The following PKHD1L1 variants were observed in gnomAD, a reference collection of about 807,000 sequenced individuals.
The protein encoded by PKHD1L1 is PKHD1 like 1, also known as fibrocystin-L.
Under a neutral mutation model 462.9 loss-of-function variants are expected in PKHD1L1, and 434 were observed. The ratio of observed to expected loss-of-function variants is 0.94; its 90% CI spans 0.87 to 1.02. The LOEUF is 1.02. PKHD1L1 is among the 50% of genes least tolerant of loss of function. The probability of loss-of-function intolerance (pLI) is 0.00; values close to 1 mark genes in which losing one functional copy is unlikely to be tolerated. For synonymous variants in PKHD1L1, 1,781 were observed against 1,750.0 expected, an observed-to-expected ratio of 1.02 and a Z score of -0.44; for missense variants, 5,202 against 5,096.1, an observed-to-expected ratio of 1.02 and a Z score of -0.63.
chr8:109,406,232 G>T (rs12679728), intron 16 of PKHD1L1, 103 bp from the exon 17 acceptor site: 372,023 of 1,158,080 alleles, frequency 0.32, 61,858 homozygotes, highest in Admixed American at 0.46. Context: ...CAGAGTATAG[G>T]TGCTTTAAAA....
Position 109,481,544 on chromosome 8 carries a change from C to T in PKHD1L1, c.9439C>T (p.Gln3147Ter). The change falls in exon 56 of 78, where the codon CAA (glutamine) becomes TAA (stop). Residue 3147 changes from glutamine (Q) to a stop codon, truncating the protein, a stop_gained. Transcript: ENST00000378402. LOFTEE classifies it high-confidence loss of function. The stretch of plus-strand genomic sequence containing the variant: ...CTGGGCTCTTCCAGAAGGACCAAAT[C>T]AAGGGGCAAAGGTCTTAGGTGTGTG... ...QDWALPEGPN[Q>*]GAKVLGVFGE... 6.3e-7 allele frequency: 1 copy of T among 1,594,542 alleles called. No individual in the cohort carries two copies. The highest frequency in any genetic ancestry group is 1.7e-4 in the Middle Eastern group (1 of 6,020).
Position 109,389,062 on chromosome 8 carries a change from A to T in PKHD1L1, c.624-17A>T. 6.5e-7 allele frequency: 1 copy of T among 1,544,174 alleles called. No individual in the cohort carries two copies. ...TAGTGTCTATATAAGCTTTGACATTAACTTTTTTTTAATTAGATATGGTCT... is the reference window on the plus strand; with the variant it reads ...TAGTGTCTATATAAGCTTTGACATTTACTTTTTTTTAATTAGATATGGTCT... On this transcript the variant is annotated splice_polypyrimidine_tract_variant and intron_variant, in intron 7 of 77. Transcript: ENST00000378402.
intron 50 of PKHD1L1, among the ~76,000 whole-genome samples, chr8:109,474,423 A>T (rs1817877825): frequency 6.6e-6 from 1 of 152,166 alleles, no homozygotes; most frequent in Non-Finnish European, 1.5e-5. Flanking sequence ...AAGCATTACT[A>T]AATTATATAG....
At chr8:109,383,961 G>A in intron 4 of PKHD1L1, 109 bp from the exon 5 acceptor site, 1 of 781,340 alleles carries the variant, frequency 1.3e-6, no homozygotes, top group South Asian at 1.4e-5. Flanking sequence ...CTACATGACA[G>A]TTACATTATG....
chr8:109,388,855 G>A (rs1287232626), intron 7 of PKHD1L1, among the ~76,000 whole-genome samples: 1 of 152,032 alleles, frequency 6.6e-6, no homozygotes, highest in Non-Finnish European at 1.5e-5. Context: ...ATATTAAAGG[G>A]CATAGTCAAA....
Position 109,526,816 on chromosome 8 carries a change from A to C in PKHD1L1, c.12517A>C (p.Asn4173His). 3 of 1,561,836 alleles carry C rather than the reference A, an allele frequency of 1.9e-6. No homozygotes were observed. The South Asian group carries it at 3.5e-5, about 18-fold the overall frequency. Reference protein sequence around the residue: ...KNYKIEFILDNVVGVESRTFS... With the variant: ...KNYKIEFILDHVVGVESRTFS... Reference sequence around the variant, plus strand: ...TTATAAGATTGAATTTATACTGGATAATGTTGTTGGGGTAGAATCCAGAAC... The same window carrying C: ...TTATAAGATTGAATTTATACTGGATCATGTTGTTGGGGTAGAATCCAGAAC... The change falls in exon 77 of 78, where the codon AAT becomes CAT. Residue 4173 changes from asparagine (N) to histidine (H), a missense_variant. By Grantham distance (68) the Asn-to-His change is moderately conservative. Transcript: ENST00000378402.
chr8:109,434,842 C>T (rs1163613089), intron 28 of PKHD1L1, among the ~76,000 whole-genome samples: 1 of 151,814 alleles, frequency 6.6e-6, no homozygotes, highest in African/African-American at 2.4e-5. Flanking sequence ...TATGTTTGAC[C>T]AAAAATTTTA....
In PKHD1L1 at chr8:109,443,040, TA is replaced by T. The variant is rs753421877; in HGVS notation, c.4490del (p.Asn1497MetfsTer41). ...AHSIFLQGVI[N>X]VLPAETRHIP... Reference sequence around the variant, plus strand: ...ACTCCATTTTTCTCCAAGGAGTCATTAATGTTTTACCAGCTGAAACCAGACA... The same window carrying T: ...ACTCCATTTTTCTCCAAGGAGTCATTATGTTTTACCAGCTGAAACCAGACA... On this transcript the variant is annotated frameshift_variant, in exon 36 of 78. Transcript: ENST00000378402. LOFTEE classifies it high-confidence loss of function. The T allele has an allele frequency of 3.1e-6, 5 of 1,613,720 alleles. No homozygotes were observed. Among genetic ancestry groups the T allele is most frequent in the Non-Finnish European group, 2.5e-6 (3 of 1,179,672 alleles).
intron 2 of PKHD1L1, among the ~76,000 whole-genome samples, chr8:109,373,786 T>C (rs1265126040): frequency 2.0e-5 from 3 of 152,206 alleles, no homozygotes; most frequent in African/African-American, 7.2e-5. Context: ...CAGGAGCAGG[T>C]TGTTCAGTTT....
intron 45 of PKHD1L1, 108 bp from the exon 46 acceptor site, chr8:109,456,154 G>A: frequency 8.7e-7 from 1 of 1,150,186 alleles, no homozygotes; most frequent in South Asian, 1.8e-5. Context: ...AAGGTAAAAT[G>A]AGCCTCTCCA....
intron 14 of PKHD1L1, among the ~76,000 whole-genome samples, chr8:109,403,660 T>C (rs1020523371): frequency 6.6e-6 from 1 of 152,162 alleles, no homozygotes; most frequent in Non-Finnish European, 1.5e-5. Flanking sequence ...AAGAGCCTGA[T>C]ATAATCCCCA....
intron 61 of PKHD1L1, 45 bp downstream of exon 61, chr8:109,491,146 C>T (rs1818804500): frequency 6.4e-7 from 1 of 1,558,676 alleles, no homozygotes; most frequent in Admixed American, 1.7e-5. Flanking sequence ...CCTGTGGAGG[C>T]TTTCTTATCT....
chr8:109,461,105 G>A (rs1014958937), intron 47 of PKHD1L1, among the ~76,000 whole-genome samples: 7 of 152,174 alleles, frequency 4.6e-5, no homozygotes, highest in African/African-American at 7.2e-5. Context: ...CATATCTATA[G>A]CAGGAAGCAG....
At chr8:109,465,839 T>A (rs1025408121) in intron 49 of PKHD1L1, among the ~76,000 whole-genome samples, 1 of 152,160 alleles carries the variant, frequency 6.6e-6, no homozygotes, top group African/African-American at 2.4e-5. Context: ...GTAGGTTAAA[T>A]TTTTTTAGCA....
intron 57 of PKHD1L1, among the ~76,000 whole-genome samples, chr8:109,483,596 TA>T (rs1818379553): frequency 6.7e-6 from 1 of 149,722 alleles, no homozygotes; most frequent in African/African-American, 2.4e-5. Context: ...CTATTAGTCA[TA>T]AAAATATATA....
chr8:109,420,117 A>G (rs1195970185), intron 22 of PKHD1L1, among the ~76,000 whole-genome samples: 1 of 152,214 alleles, frequency 6.6e-6, no homozygotes. Context: ...AATGAAGATG[A>G]CAATCTTTGT....
intron 21 of PKHD1L1, among the ~76,000 whole-genome samples, chr8:109,417,123 A>G (rs1424098221): frequency 1.3e-5 from 2 of 152,072 alleles, no homozygotes; most frequent in Non-Finnish European, 2.9e-5. Context: ...AATGAATAAG[A>G]CCTAGTATTT....
intron 11 of PKHD1L1, 74 bp from the exon 12 acceptor site, chr8:109,398,385 G>T: frequency 1.1e-6 from 1 of 929,774 alleles, no homozygotes; most frequent in Non-Finnish European, 1.7e-6. Flanking sequence ...TTGCAAAAGT[G>T]CTTAAAGATA....
intron 2 of PKHD1L1, 87 bp downstream of exon 2, chr8:109,364,723 CA>C: frequency 1.3e-6 from 1 of 777,362 alleles, no homozygotes; most frequent in South Asian, 1.7e-5. Flanking sequence ...GACAAACAAA[CA>C]AACAAGCACC....
Sources: gnomAD v4.1 joint callset for allele counts (sites outside exome capture counted in the v4.1 genomes callset) on GRCh38, gnomAD v4.1.1 for gene constraint, MANE v1.5 for transcripts, NCBI Gene and HGNC (gene_info 2026-07-23, HGNC 2026-07-21) for gene names.